MNAT1: variants seen among roughly 807,000 people sequenced by gnomAD.
The protein encoded by MNAT1 is MNAT1 component of CDK activating kinase, also known as CDK-activating kinase assembly factor MAT1.
A neutral mutation model predicts 42.0 loss-of-function variants in MNAT1; 43 were observed. That is an observed-to-expected ratio of 1.02 (90% CI 0.80 to 1.32). The LOEUF (loss-of-function observed/expected upper bound fraction) is 1.32, where lower values mean the gene tolerates loss of function less well. MNAT1 is among the 40% of genes most tolerant of loss of function. MNAT1 has a pLI of 0.00. For synonymous variants in MNAT1, 118 were observed against 120.0 expected (o/e 0.98, Z 0.11); for missense variants, 306 against 350.4 (o/e 0.87, Z 1.01).
chr14:60,756,727 G>C (rs1484431781), intron 1 of MNAT1, among the ~76,000 whole-genome samples: 1 of 152,174 alleles, frequency 6.6e-6, no homozygotes, highest in East Asian at 1.9e-4. Flanking sequence ...GTGGCCTAAA[G>C]CTGTGGTCTT....
At chr14:60,955,927 TTG>T (rs1236620921) in intron 7 of MNAT1, among the ~76,000 whole-genome samples, 1 of 152,090 alleles carries the variant, frequency 6.6e-6, no homozygotes, top group Non-Finnish European at 1.5e-5. Context: ...AGCTAAAGGT[TTG>T]TGAGTTTTAT....
At chr14:60,807,268 C>CT (rs1173330858) in intron 3 of MNAT1, among the ~76,000 whole-genome samples, 1 of 152,168 alleles carries the variant, frequency 6.6e-6, no homozygotes, top group Non-Finnish European at 1.5e-5. Context: ...AAACAAGCAA[C>CT]TCTGTGTTGG....
chr14:60,746,376 G>A (rs1349320200), intron 1 of MNAT1, among the ~76,000 whole-genome samples: 7 of 151,924 alleles, frequency 4.6e-5, no homozygotes, highest in African/African-American at 9.7e-5. Context: ...TTAGCCAGGC[G>A]TGGTGGGTCA....
At chr14:60,828,057 C>G (rs953635749) in intron 6 of MNAT1, among the ~76,000 whole-genome samples, 1 of 151,986 alleles carries the variant, frequency 6.6e-6, no homozygotes, top group East Asian at 1.9e-4. Flanking sequence ...AAATGAATAG[C>G]TTCATGATTA....
intron 6 of MNAT1, among the ~76,000 whole-genome samples, chr14:60,861,240 G>GA (rs1375508032): frequency 1.3e-5 from 2 of 152,022 alleles, no homozygotes; most frequent in East Asian, 1.9e-4. Context: ...TATATTTCCA[G>GA]AAAAAATGTT....
At chr14:60,875,549 G>A (rs990982532) in intron 6 of MNAT1, among the ~76,000 whole-genome samples, 13 of 151,916 alleles carry the variant, frequency 8.6e-5, no homozygotes, top group African/African-American at 2.7e-4. Flanking sequence ...GTACTTAATC[G>A]TACTTTATTA....
intron 7 of MNAT1, among the ~76,000 whole-genome samples, chr14:60,911,232 T>G (rs894509524): frequency 1.3e-5 from 2 of 152,184 alleles, no homozygotes; most frequent in African/African-American, 4.8e-5. Context: ...TTTATTAGTC[T>G]TGCTAGCAGT....
chr14:60,834,504 T>C (rs1489999031), intron 6 of MNAT1, among the ~76,000 whole-genome samples: 1 of 152,214 alleles, frequency 6.6e-6, no homozygotes, highest in African/African-American at 2.4e-5. Flanking sequence ...CTAATTTGAT[T>C]GCACTGGTGT....
intron 7 of MNAT1, among the ~76,000 whole-genome samples, chr14:60,896,071 C>T (rs534886458): frequency 3.3e-5 from 5 of 152,264 alleles, no homozygotes; most frequent in Non-Finnish European, 7.4e-5. Flanking sequence ...GTGATTGTTA[C>T]TGAGATCTTT....
At chr14:60,862,096 G>A (rs2034108224) in intron 6 of MNAT1, among the ~76,000 whole-genome samples, 1 of 152,170 alleles carries the variant, frequency 6.6e-6, no homozygotes. Context: ...TGGGCTTTTT[G>A]TAACCTACCG....
chr14:60,879,615 CTAA>C, intron 6 of MNAT1, 96 bp from the exon 7 acceptor site: 2 of 1,218,492 alleles, frequency 1.6e-6, no homozygotes, highest in Non-Finnish European at 2.3e-6. Context: ...GCTAATACTT[CTAA>C]TGTGAGGAAT....
intron 5 of MNAT1, among the ~76,000 whole-genome samples, chr14:60,815,177 G>A (rs1464751787): frequency 2.0e-5 from 3 of 151,442 alleles, no homozygotes; most frequent in African/African-American, 7.3e-5. Context: ...TTTATTTTGA[G>A]GTTAGCCAGC....
intron 1 of MNAT1, among the ~76,000 whole-genome samples, chr14:60,756,354 T>C (rs2030349213): frequency 6.6e-6 from 1 of 152,238 alleles, no homozygotes; most frequent in African/African-American, 2.4e-5. Flanking sequence ...CTGGAAAAGT[T>C]ACTGTCAGAT....
At chr14:60,920,351 C>A (rs1226165812) in intron 7 of MNAT1, among the ~76,000 whole-genome samples, 4 of 152,204 alleles carry the variant, frequency 2.6e-5, no homozygotes, top group East Asian at 1.9e-4. Context: ...TTATGATCCA[C>A]CTTATATTCA....
intron 7 of MNAT1, among the ~76,000 whole-genome samples, chr14:60,908,107 G>C (rs1341806830): frequency 6.6e-6 from 1 of 151,980 alleles, no homozygotes; most frequent in African/African-American, 2.4e-5. Flanking sequence ...AGAAGTCAAA[G>C]CTCAAAACAA....
rs543235983 is a variant in MNAT1 at position 60,798,453 on chromosome 14, A to G, written c.316+293A>G. On this transcript the variant is annotated intron_variant, in intron 3 of 7. Transcript: ENST00000261245. ...ACATGCATCTGTGTGTTGATAACAT[A>G]TTAGAGTAGTTTAAATGAATGGAAA... is the stretch of plus-strand genomic sequence containing the variant. Among the ~76,000 whole-genome samples, 18 of 152,326 alleles carry G rather than the reference A, an allele frequency of 1.2e-4. 1 individual carries two copies. The South Asian group carries it at 3.1e-3, about 26-fold the overall frequency.
At chr14:60,765,928 CTT>C (rs1410461819) in intron 1 of MNAT1, among the ~76,000 whole-genome samples, 2 of 152,070 alleles carry the variant, frequency 1.3e-5, no homozygotes, top group African/African-American at 4.8e-5. Flanking sequence ...AAAATCTTGA[CTT>C]ATAAAATTAA....
intron 7 of MNAT1, among the ~76,000 whole-genome samples, chr14:60,906,005 T>C (rs1456539923): frequency 1.3e-5 from 2 of 152,206 alleles, no homozygotes; most frequent in Non-Finnish European, 2.9e-5. Context: ...AAAGGATGGA[T>C]AGTGATTGGA....
intron 7 of MNAT1, chr14:60,920,046 C>T (rs1295516271): frequency 6.5e-6 from 1 of 153,328 alleles, no homozygotes; most frequent in Non-Finnish European, 1.5e-5. Context: ...GCAGCTGCTC[C>T]ACCTGCAGTG....
Sources: gnomAD v4.1 joint callset for allele counts (sites outside exome capture counted in the v4.1 genomes callset) on GRCh38, gnomAD v4.1.1 for gene constraint, MANE v1.5 for transcripts, NCBI Gene and HGNC (gene_info 2026-07-23, HGNC 2026-07-21) for gene names.